The following CHODL variants were observed in gnomAD, a reference collection of about 807,000 sequenced individuals.
CHODL encodes transmembrane protein MT75.
Under a neutral mutation model 34.5 loss-of-function variants are expected in CHODL, and 29 were observed. The observed-to-expected ratio is 0.84, with a 90% confidence interval of 0.63 to 1.15. The LOEUF is 1.15. Among genes scored for constraint, CHODL ranks in the 50% most tolerant of loss-of-function variants. The pLI is 0.00. For synonymous variants in CHODL, 125 were observed against 116.1 expected (o/e 1.08, Z -0.49); for missense variants, 332 against 332.5 (o/e 1.00, Z 0.01).
chr21:18,245,092 C>A lies in CHODL; in HGVS notation c.-132C>A. On this transcript the variant is annotated 5_prime_UTR_variant, in exon 1 of 6. Coordinates refer to ENST00000299295, the MANE Select transcript of CHODL (RefSeq NM_024944.3). ...AAGGCGATGCGCGCAGGGGGTCGGG[C>A]AGCTGGGCTCGGGCGGCGGGAGTAG... 1 of 720,492 alleles carries A rather than the reference C, an allele frequency of 1.4e-6. No individual in the cohort carries two copies. Among genetic ancestry groups the A allele is most frequent in the Non-Finnish European group, 2.1e-6 (1 of 483,056 alleles). The allele number at this position is 720,492 out of a possible 1,614,324, so 44.6% of individuals were successfully genotyped here. A position where few individuals can be genotyped will look rare whatever the true frequency, so the allele number is the denominator to read the frequency against.
At chr21:18,025,784 A>G (rs2064169035) in intron 1 of CHODL, among the ~76,000 whole-genome samples, 2 of 152,070 alleles carry the variant, frequency 1.3e-5, no homozygotes, top group African/African-American at 2.4e-5. Context: ...TTTGACTCGA[A>G]TATGGCTGCC....
At chr21:18,165,963 T>C (rs1180852276) in intron 2 of CHODL, among the ~76,000 whole-genome samples, 1 of 152,204 alleles carries the variant, frequency 6.6e-6, no homozygotes, top group Non-Finnish European at 1.5e-5. Context: ...GACTTGAGGC[T>C]TAAAACAGTA....
rs541618101 is a variant in CHODL at position 18,153,406 on chromosome 21, C to T, written c.-44-103103C>T. ...AATTTCCTGGCTCATGGTCACTTTT[C>T]TCCATCTTCAAAACCTGAAATGACA... On this transcript the variant is annotated intron_variant, in intron 2 of 6. Transcript: ENST00000400127. Among the ~76,000 whole-genome samples the T allele has an allele frequency of 1.5e-3, 227 of 152,240 alleles. 1 individual carries two copies. Among genetic ancestry groups the T allele is most frequent in the Non-Finnish European group, 2.4e-3 (160 of 68,018 alleles).
intron 1 of CHODL, among the ~76,000 whole-genome samples, chr21:17,967,831 AC>A (rs2063584774): frequency 6.6e-6 from 1 of 152,136 alleles, no homozygotes; most frequent in Non-Finnish European, 1.5e-5. Context: ...TTTGTTGCAT[AC>A]CTACTATGTG....
intron 1 of CHODL, among the ~76,000 whole-genome samples, chr21:18,012,320 T>G (rs1239573409): frequency 6.6e-6 from 1 of 152,254 alleles, no homozygotes; most frequent in Admixed American, 6.5e-5. Context: ...TAAGTTCTAC[T>G]GACAATCTCT....
At chr21:18,020,597 GTTC>G (rs1382976184) in intron 1 of CHODL, among the ~76,000 whole-genome samples, 1 of 152,072 alleles carries the variant, frequency 6.6e-6, no homozygotes, top group African/African-American at 2.4e-5. Context: ...AAACCCTTCA[GTTC>G]TTCTTCGCAT....
rs1424467526 is a variant in CHODL, at chr21:18,235,357, A to G, written c.-44-21152A>G. Among the ~76,000 whole-genome samples the G allele has an allele frequency of 3.3e-5, 5 of 152,104 alleles. No homozygotes were observed. The East Asian group carries it at 7.7e-4, about 23-fold the overall frequency. On this transcript the variant is annotated intron_variant, in intron 2 of 6. Transcript: ENST00000400127. ...TACTAGATTTTCTGCAAGTATATTC[A>G]TATTAACATTGGAAGAAAATTTAAA...
At chr21:18,096,336 G>C (rs993071696) in intron 2 of CHODL, among the ~76,000 whole-genome samples, 6 of 152,178 alleles carry the variant, frequency 3.9e-5, no homozygotes, top group Non-Finnish European at 8.8e-5. Context: ...AGGATAATAC[G>C]ATTTTCAGGG....
At position 18,025,801 on chromosome 21, in the gene CHODL, C is replaced by T. The variant is rs189992528; in HGVS notation, c.-144-2071C>T. Among the ~76,000 whole-genome samples the T allele has an allele frequency of 2.8e-3, 425 of 152,186 alleles. 2 individuals are homozygous for T. The highest frequency in any genetic ancestry group is 3.4e-3 in the Middle Eastern group (1 of 294). ...TGACTCGAATATGGCTGCCTTCTCC[C>T]TTCATCTTCCACGGTCTTTCCTCAG... On this transcript the variant is annotated intron_variant, in intron 1 of 6. Transcript: ENST00000400127.
chr21:18,262,111 C>T (rs958585193), intron 4 of CHODL, among the ~76,000 whole-genome samples: 5 of 151,998 alleles, frequency 3.3e-5, no homozygotes, highest in African/African-American at 1.2e-4. Context: ...TTAATGAAAG[C>T]TAGTCCATGT....
At chr21:18,222,309 T>TG (rs1241833022) in intron 2 of CHODL, among the ~76,000 whole-genome samples, 1 of 151,980 alleles carries the variant, frequency 6.6e-6, no homozygotes, top group Non-Finnish European at 1.5e-5. Flanking sequence ...TGCACTAATG[T>TG]GGGGGGATCT....
rs545021171 is a variant in CHODL at position 17,979,189 on chromosome 21, A to G, written c.-144-48683A>G. Among the ~76,000 whole-genome samples the G allele has an allele frequency of 3.7e-4, 57 of 152,316 alleles. No homozygotes were observed. The South Asian group carries it at 0.012, about 31-fold the overall frequency. On this transcript the variant is annotated intron_variant, in intron 1 of 6. Transcript: ENST00000400127. ...TATTCTTAAATTTCAGAGATTAGCC[A>G]TGGACATCTTTGGGGGACCATTTTG... is the stretch of plus-strand genomic sequence containing the variant.
chr21:18,254,305 A>G (rs1010286848), intron 1 of CHODL, among the ~76,000 whole-genome samples: 3 of 152,188 alleles, frequency 2.0e-5, no homozygotes, highest in Non-Finnish European at 2.9e-5. Flanking sequence ...TAGAGAAACT[A>G]TTTCCTAATT....
intron 2 of CHODL, among the ~76,000 whole-genome samples, chr21:18,098,424 A>G (rs1176256203): frequency 6.6e-6 from 1 of 152,130 alleles, no homozygotes; most frequent in Non-Finnish European, 1.5e-5. Flanking sequence ...TTTTCAAAAA[A>G]AGACATACAA....
chr21:18,181,595 G>T (rs939735650), intron 2 of CHODL, among the ~76,000 whole-genome samples: 3 of 152,170 alleles, frequency 2.0e-5, no homozygotes, highest in South Asian at 4.1e-4. Context: ...GTAGAGACGG[G>T]GTTTCACCGT....
At chr21:17,927,132 A>G (rs185367523) in intron 1 of CHODL, among the ~76,000 whole-genome samples, 2,842 of 107,906 alleles carry the variant, frequency 0.026, 90 homozygotes, top group Middle Eastern at 0.1. Flanking sequence ...ATGTATATAT[A>G]TGTATATATG....
At chr21:17,940,393 A>C (rs62212964) in intron 1 of CHODL, among the ~76,000 whole-genome samples, 2 of 152,234 alleles carry the variant, frequency 1.3e-5, no homozygotes, top group Admixed American at 1.3e-4. Flanking sequence ...GTCTAGTGCT[A>C]TAAATTATAG....
Position 17,971,450 on chromosome 21 carries a change from A to C in CHODL, c.-145+54050A>C, listed in dbSNP as rs969531219. Among the ~76,000 whole-genome samples, 5 of 152,126 alleles carry C rather than the reference A, an allele frequency of 3.3e-5. No individual in the cohort carries two copies. In the East Asian group the frequency reaches 9.6e-4, roughly 29 times the overall value. On this transcript the variant is annotated intron_variant, in intron 1 of 6. Transcript: ENST00000400127. Reference sequence around the variant, plus strand: ...TCTAACTGGCATGAGACGTTATCTCATTGTGGTTTTGTATTGCATTTCTCT... The same window carrying C: ...TCTAACTGGCATGAGACGTTATCTCCTTGTGGTTTTGTATTGCATTTCTCT...
At chr21:18,044,341 A>G (rs2060790963) in intron 2 of CHODL, among the ~76,000 whole-genome samples, 5 of 152,040 alleles carry the variant, frequency 3.3e-5, no homozygotes. Flanking sequence ...GTTCATGCTA[A>G]TAATTTAAAA....
Sources: allele counts gnomAD v4.1 joint callset (sites outside exome capture counted in the v4.1 genomes callset), GRCh38; gene constraint gnomAD v4.1.1; transcripts MANE v1.5; gene names NCBI Gene and HGNC (gene_info 2026-07-23, HGNC 2026-07-21).